MASP1: variants seen among roughly 807,000 people sequenced by gnomAD.
The protein encoded by MASP1 is MBL associated serine protease 1, also known as mannan-binding lectin serine protease 1.
Under a neutral mutation model 77.1 loss-of-function variants are expected in MASP1, and 59 were observed. The ratio of observed to expected loss-of-function variants is 0.77; its 90% confidence interval spans 0.62 to 0.95. The LOEUF (loss-of-function observed/expected upper bound fraction) is 0.95. Ranked by LOEUF, MASP1 falls within the 40% of genes least tolerant of loss-of-function variation. MASP1 has a pLI of 0.00. For missense variants in MASP1, 885 were observed against 912.9 expected, an observed-to-expected ratio of 0.97 and a Z score of 0.39; for synonymous variants, 362 against 354.5, an observed-to-expected ratio of 1.02 and a Z score of -0.24.
At chr3:187,226,464 C>A (rs1712435489) in exon 12 of MASP1, 1 of 1,613,000 alleles carries the variant, frequency 6.2e-7, no homozygotes, top group Non-Finnish European at 8.5e-7. Context: ...AGGGTCGGAT[C>A]TTCCGGATCG....
intron 2 of MASP1, among the ~76,000 whole-genome samples, chr3:187,266,920 A>G (rs1009301660): frequency 1.3e-5 from 2 of 152,228 alleles, no homozygotes; most frequent in Non-Finnish European, 2.9e-5. Context: ...CTAGGGAAGG[A>G]CAGCTACTCT....
chr3:187,239,722 G>A (rs1713474305), intron 10 of MASP1, among the ~76,000 whole-genome samples: 1 of 152,120 alleles, frequency 6.6e-6, no homozygotes, highest in Non-Finnish European at 1.5e-5. Flanking sequence ...GCCTAATTGA[G>A]GTAAATGGAA....
chr3:187,231,656 G>T (rs369825050), downstream of MASP1, among the ~76,000 whole-genome samples: 14 of 152,178 alleles, frequency 9.2e-5, no homozygotes, highest in African/African-American at 3.1e-4. Context: ...CTAGGAATTC[G>T]CTGTGCACTG....
chr3:187,226,585 C>A, intron 11 of MASP1: 1 of 1,149,934 alleles, frequency 8.7e-7, no homozygotes, highest in East Asian at 2.5e-5. Flanking sequence ...CTGTCTTGAG[C>A]TGAGGATCTT....
chr3:187,240,518 T>C (rs985285752), intron 10 of MASP1, among the ~76,000 whole-genome samples: 6 of 152,224 alleles, frequency 3.9e-5, no homozygotes, highest in Non-Finnish European at 8.8e-5. Context: ...GAATATTAAA[T>C]TTAACTTTTT....
intron 2 of MASP1, among the ~76,000 whole-genome samples, chr3:187,273,286 C>T (rs936795567): frequency 7.2e-5 from 11 of 152,192 alleles, no homozygotes; most frequent in Admixed American, 5.9e-4. Flanking sequence ...CCAGCCCAGC[C>T]TCCTCCTCTG....
chr3:187,237,032 C>A (rs1163477362), intron 10 of MASP1, among the ~76,000 whole-genome samples: 1 of 152,210 alleles, frequency 6.6e-6, no homozygotes, highest in Non-Finnish European at 1.5e-5. Flanking sequence ...ACCTAAAAAA[C>A]CATCTAGCAG....
chr3:187,262,638 AC>A lies in MASP1; in HGVS notation c.319del (p.Val107SerfsTer90). The A allele has an allele frequency of 1.2e-6, 2 of 1,614,048 alleles. No individual in the cohort carries two copies. The highest frequency in any genetic ancestry group is 1.7e-6 in the Non-Finnish European group (2 of 1,179,964). The part of the protein sequence containing the change: ...DTEQTPGQEV[V>X]LSPGSFMSIT... ...GGACATGAAGGAGCCAGGGGAGAGG[AC>A]CACCTCCTGGCCGGGAGTCTGCTCT... On this transcript the variant is annotated frameshift_variant, in exon 3 of 11. Coordinates refer to ENST00000296280, the MANE Select transcript of MASP1 (RefSeq NM_139125.4). LOFTEE classifies it high-confidence loss of function.
chr3:187,234,378 T>C lies in MASP1; in HGVS notation c.*1306A>G. The stretch of plus-strand genomic sequence containing the variant: ...GCCCTGTGAGGGCCAGAGAGGCTGC[T>C]AGCAGTCAGGGAAGCTCTGAGTGCT... On this transcript the variant is annotated 3_prime_UTR_variant, in exon 11 of 11. Transcript: ENST00000296280. 7.8e-7 allele frequency: 1 copy of C among 1,287,260 alleles called. No individual in the cohort carries two copies. The highest frequency in any genetic ancestry group is 1.0e-6 in the Non-Finnish European group (1 of 988,702). 79.7% of individuals were successfully genotyped at this position (1,287,260 alleles called of 1,614,324 possible). A position where few individuals can be genotyped will look rare whatever the true frequency, so the allele number is the denominator to read the frequency against.
intron 2 of MASP1, among the ~76,000 whole-genome samples, chr3:187,269,246 A>C (rs967276446): frequency 2.0e-5 from 3 of 152,140 alleles, no homozygotes; most frequent in African/African-American, 7.2e-5. Context: ...TAGCACCCTG[A>C]CATGCCCTTC....
chr3:187,234,977 C>T lies in MASP1; in HGVS notation c.*707G>A. 1.6e-6 allele frequency: 2 copies of T among 1,287,236 alleles called. No homozygotes were observed. The highest frequency in any genetic ancestry group is 2.0e-6 in the Non-Finnish European group (2 of 988,688). The allele number at this position is 1,287,236 out of a possible 1,614,324, so 79.7% of individuals were successfully genotyped here. A position where few individuals can be genotyped will look rare whatever the true frequency, so the allele number is the denominator to read the frequency against. On this transcript the variant is annotated 3_prime_UTR_variant, in exon 11 of 11. Coordinates refer to ENST00000296280, the MANE Select transcript of MASP1 (RefSeq NM_139125.4). ...GAATTTAAGGGCTTGGTGGGCCTCCCACGGCTATTCTGCTCCCAGCAGTCA... is the reference window on the plus strand; with the variant it reads ...GAATTTAAGGGCTTGGTGGGCCTCCTACGGCTATTCTGCTCCCAGCAGTCA...
chr3:187,283,065 G>A (rs184994219), intron 2 of MASP1, among the ~76,000 whole-genome samples: 155 of 152,230 alleles, frequency 1.0e-3, no homozygotes, highest in African/African-American at 3.4e-3. Flanking sequence ...GGGAGTTAGT[G>A]ACAGATCTGA....
At chr3:187,225,377 A>G (rs2108502383) in exon 13 of MASP1, 1 of 1,614,026 alleles carries the variant, frequency 6.2e-7, no homozygotes, top group Admixed American at 1.7e-5. Flanking sequence ...GGCATTCAGC[A>G]CTGGGCTCTC....
rs1054900820 is a variant in MASP1 at position 187,260,986 on chromosome 3, C to G, written c.416-114G>C. The G allele has an allele frequency of 2.5e-6, 3 of 1,213,382 alleles. No individual in the cohort carries two copies. In the East Asian group the frequency reaches 7.0e-5, roughly 28 times the overall value. The allele number at this position is 1,213,382 out of a possible 1,614,324, so 75.2% of individuals were successfully genotyped here. ...CACTATGTTAGGAGATTCATGCGTT[C>G]TCTCATTTAATCCTCTCATACAGCC... is the stretch of plus-strand genomic sequence containing the variant. On this transcript the variant is annotated intron_variant, in intron 3 of 10. Coordinates refer to ENST00000296280, the MANE Select transcript of MASP1 (RefSeq NM_139125.4).
At chr3:187,248,011 A>G (rs1714246341) in intron 8 of MASP1, among the ~76,000 whole-genome samples, 1 of 151,968 alleles carries the variant, frequency 6.6e-6, no homozygotes, top group African/African-American at 2.4e-5. Context: ...GGGACTCTCG[A>G]CTCCTCAGTC....
At chr3:187,220,281 A>G (rs1285419278) in intron 15 of MASP1, 4 of 1,611,888 alleles carry the variant, frequency 2.5e-6, no homozygotes, top group Non-Finnish European at 3.4e-6. Context: ...AAAGAGACAT[A>G]GATGAAGATA....
At chr3:187,219,472 T>C (rs1711910299) in exon 16 of MASP1, 1 of 158,116 alleles carries the variant, frequency 6.3e-6, no homozygotes, top group African/African-American at 2.4e-5. Flanking sequence ...CTCAGAACCT[T>C]GTCTGTTTTA....
At chr3:187,246,851 T>C (rs573376220) in intron 8 of MASP1, 59 of 1,010,756 alleles carry the variant, frequency 5.8e-5, no homozygotes, top group Non-Finnish European at 6.8e-5. Context: ...AGTTATTATT[T>C]GCTTTACCTA....
At chr3:187,221,497 C>T (rs1158038165) in intron 14 of MASP1, among the ~76,000 whole-genome samples, 1 of 152,238 alleles carries the variant, frequency 6.6e-6, no homozygotes, top group East Asian at 1.9e-4. Flanking sequence ...TTTTGTCTCA[C>T]CCCTACTGTA....
Sources: gnomAD v4.1 joint callset for allele counts (sites outside exome capture counted in the v4.1 genomes callset) on GRCh38, gnomAD v4.1.1 for gene constraint, MANE v1.5 for transcripts, NCBI Gene and HGNC (gene_info 2026-07-23, HGNC 2026-07-21) for gene names.